LCK: variants seen among roughly 807,000 people sequenced by gnomAD.
LCK encodes LCK proto-oncogene, Src family tyrosine kinase.
LCK carries 14 observed loss-of-function variants against 64.6 expected under a neutral mutation model. The observed-to-expected ratio is 0.22, with a 90% CI of 0.14 to 0.34. The LOEUF is 0.34. Ranked by LOEUF, LCK falls within the 10% of genes least tolerant of loss-of-function variation. The pLI is 1.00. For synonymous variants in LCK, 277 were observed against 263.6 expected (o/e 1.05, Z -0.49); for missense variants, 434 against 668.1 (o/e 0.65, Z 3.86).
chr1:32,280,489 T>C (rs1251260473), intron 12 of LCK, among the ~76,000 whole-genome samples: 1 of 138,738 alleles, frequency 7.2e-6, no homozygotes, highest in Non-Finnish European at 1.5e-5. Flanking sequence ...GGAGTCTTGC[T>C]CTGTCTCCCA....
intron 1 of LCK, among the ~76,000 whole-genome samples, chr1:32,256,585 C>T (rs1056237103): frequency 1.3e-5 from 2 of 151,532 alleles, no homozygotes; most frequent in Admixed American, 1.3e-4. Flanking sequence ...GCAACAAGAG[C>T]AAAACTCTGT....
chr1:32,265,498 T>C (rs1301703392), intron 1 of LCK, among the ~76,000 whole-genome samples: 1 of 152,218 alleles, frequency 6.6e-6, no homozygotes, highest in Non-Finnish European at 1.5e-5. Flanking sequence ...TGGGGGGCCA[T>C]AGAGGAAACA....
chr1:32,282,038 C>T (rs1195468930), intron 12 of LCK, among the ~76,000 whole-genome samples: 1 of 152,184 alleles, frequency 6.6e-6, no homozygotes, highest in East Asian at 1.9e-4. Flanking sequence ...CCACCGCACT[C>T]CAGCCTGGGT....
intron 12 of LCK, among the ~76,000 whole-genome samples, chr1:32,280,752 C>T (rs1029292347): frequency 1.3e-5 from 2 of 152,146 alleles, no homozygotes; most frequent in Non-Finnish European, 1.5e-5. Context: ...CACACCCGGC[C>T]CCAGCTCTTT....
In LCK at chr1:32,251,532, C is replaced by G. The variant is rs1342551497; in HGVS notation, c.-6+161C>G. ...GTCAGGTGGGAGGCAGGCAGTGTAG[C>G]TGGGTCGCCTCTTTCCTGCGAAGCT... On this transcript the variant is annotated intron_variant, in intron 1 of 12. Transcript: ENST00000336890. The surrounding 1 kb of genome is among the most constrained non-coding windows in gnomAD (Gnocchi z 4.0). 6.6e-6 allele frequency among the ~76,000 whole-genome samples: 1 copy of G among 152,180 alleles called. No homozygotes were observed. Among genetic ancestry groups the G allele is most frequent in the Non-Finnish European group, 1.5e-5 (1 of 68,018 alleles).
Position 32,276,175 on chromosome 1 carries a change from G to T in LCK, c.631+112G>T. The stretch of plus-strand genomic sequence containing the variant: ...CCCTACTCCATTCCCCGCAGTGGGT[G>T]AGGTGTGGAACCTGACCCTACGGCC... On this transcript the variant is annotated intron_variant, in intron 7 of 12. Transcript: ENST00000336890. The surrounding 1 kb of genome is among the most constrained non-coding windows in gnomAD (Gnocchi z 4.6). The T allele has an allele frequency of 6.8e-7, 1 of 1,461,600 alleles. No individual in the cohort carries two copies. The highest frequency in any genetic ancestry group is 9.4e-7 in the Non-Finnish European group (1 of 1,066,532). 90.5% of individuals were successfully genotyped at this position (1,461,600 alleles called of 1,614,324 possible).
intron 1 of LCK, among the ~76,000 whole-genome samples, chr1:32,255,366 TA>T (rs2124302006): frequency 6.6e-6 from 1 of 152,370 alleles, no homozygotes; most frequent in African/African-American, 2.4e-5. Flanking sequence ...AGAGCTTATT[TA>T]AAAGAATCCC....
At chr1:32,281,965 G>A (rs1640474578) in intron 12 of LCK, among the ~76,000 whole-genome samples, 1 of 152,156 alleles carries the variant, frequency 6.6e-6, no homozygotes, top group Non-Finnish European at 1.5e-5. Flanking sequence ...AGATACTCAG[G>A]AGGCTGAGGC....
chr1:32,283,312 A>T (rs895572096), intron 12 of LCK, among the ~76,000 whole-genome samples: 3 of 150,776 alleles, frequency 2.0e-5, no homozygotes, highest in East Asian at 3.9e-4. Flanking sequence ...AAAAAAAAAA[A>T]TTGTGAGAGT....
intron 1 of LCK, among the ~76,000 whole-genome samples, chr1:32,270,250 C>CTTTT (rs1195979098): frequency 1.1e-4 from 14 of 126,666 alleles, no homozygotes; most frequent in African/African-American, 3.7e-4. Flanking sequence ...GCCCAGCTAA[C>CTTTT]TTTTTTTTTT....
intron 1 of LCK, among the ~76,000 whole-genome samples, chr1:32,261,504 G>A (rs567261161): frequency 6.6e-6 from 1 of 150,568 alleles, no homozygotes; most frequent in Non-Finnish European, 1.5e-5. Flanking sequence ...AAATTAGCTG[G>A]GCCTGGTGGA....
Position 32,280,305 on chromosome 1 carries a change from T to C in LCK, c.1327+95T>C, listed in dbSNP as rs918563995. On this transcript the variant is annotated intron_variant, in intron 12 of 12. Coordinates refer to ENST00000336890, the MANE Select transcript of LCK (RefSeq NM_005356.5). Reference sequence around the variant, plus strand: ...TCCAGTCTCAGAATCTGAAACTTTGTAGCTGCATCTCCTCTATCTTCTCAG... The same window carrying C: ...TCCAGTCTCAGAATCTGAAACTTTGCAGCTGCATCTCCTCTATCTTCTCAG... 2.0e-6 allele frequency: 3 copies of C among 1,492,964 alleles called. No individual in the cohort carries two copies. The African/African-American group carries it at 4.1e-5, about 21-fold the overall frequency. 92.5% of individuals were successfully genotyped at this position (1,492,964 alleles called of 1,614,324 possible). A position where few individuals can be genotyped will look rare whatever the true frequency, so the allele number is the denominator to read the frequency against.
chr1:32,280,278 T>C lies in LCK; in HGVS notation c.1327+68T>C, dbSNP rs941386752. On this transcript the variant is annotated intron_variant, in intron 12 of 12. Transcript: ENST00000336890. ...AAGTCCATGTCTTCCCATTCAATTC[T>C]TTCCAGTCTCAGAATCTGAAACTTT... is the stretch of plus-strand genomic sequence containing the variant. 1.4e-5 allele frequency: 22 copies of C among 1,590,964 alleles called. No homozygotes were observed. In the African/African-American group the frequency reaches 2.0e-4, roughly 15 times the overall value.
At position 32,274,325 on chromosome 1, in the gene LCK, G is replaced by T; in HGVS notation, c.-5G>T. 6.2e-7 allele frequency: 1 copy of T among 1,614,080 alleles called. No individual in the cohort carries two copies. Among genetic ancestry groups the T allele is most frequent in the South Asian group, 1.1e-5 (1 of 91,088 alleles). On this transcript the variant is annotated splice_region_variant and 5_prime_UTR_variant, in exon 2 of 13. It introduces an in-frame stop codon into an upstream open reading frame of the 5' UTR. Coordinates refer to ENST00000336890, the MANE Select transcript of LCK (RefSeq NM_005356.5). Reference sequence around the variant, plus strand: ...TCAGCCCCCTCTTCCATTCCCTCAGGGACCATGGGCTGTGGCTGCAGCTCA... The same window carrying T: ...TCAGCCCCCTCTTCCATTCCCTCAGTGACCATGGGCTGTGGCTGCAGCTCA...
At chr1:32,277,122 AT>A (rs1466836165) in intron 9 of LCK, 1 of 156,246 alleles carries the variant, frequency 6.4e-6, no homozygotes, top group Non-Finnish European at 1.4e-5. Flanking sequence ...AGGCAGGAGA[AT>A]CCCTTTAATC....
rs1017273809 is a variant in LCK at position 32,261,488 on chromosome 1, A to G, written c.-6+10117A>G. On this transcript the variant is annotated intron_variant, in intron 1 of 12. Transcript: ENST00000336890. ...TAGTGAAACCCCGTCTCTACTAAAA[A>G]TACAAAAATTAGCTGGGCCTGGTGG... Among the ~76,000 whole-genome samples, 10 of 151,002 alleles carry G rather than the reference A, an allele frequency of 6.6e-5. 1 individual carries two copies. Among genetic ancestry groups the G allele is most frequent in the Non-Finnish European group, 7.4e-5 (5 of 67,770 alleles).
intron 1 of LCK, among the ~76,000 whole-genome samples, chr1:32,273,346 C>CTG (rs201778052): frequency 3.0e-5 from 4 of 131,612 alleles, no homozygotes; most frequent in South Asian, 2.6e-4. Context: ...GGGGGTGCCT[C>CTG]TGTGTGTGTG....
In LCK at chr1:32,285,944, G is replaced by A; in HGVS notation, c.*228G>A. 1.8e-6 allele frequency: 1 copy of A among 557,684 alleles called. No individual in the cohort carries two copies. The highest frequency in any genetic ancestry group is 3.2e-6 in the Non-Finnish European group (1 of 312,126). The allele number at this position is 557,684 out of a possible 1,614,324, so 34.5% of individuals were successfully genotyped here. A position where few individuals can be genotyped will look rare whatever the true frequency, so the allele number is the denominator to read the frequency against. On this transcript the variant is annotated 3_prime_UTR_variant, in exon 13 of 13. Transcript: ENST00000336890. ...CCTGTGCATGTATGTCTTGGACACT[G>A]TACAAGGTACCCCTTTCTGGCTCTC...
At chr1:32,259,743 G>A (rs1323263781) in intron 1 of LCK, among the ~76,000 whole-genome samples, 4 of 151,964 alleles carry the variant, frequency 2.6e-5, no homozygotes, top group African/African-American at 4.8e-5. Flanking sequence ...CCGGGAGGTC[G>A]AGGCTTCAGT....
Sources: allele counts gnomAD v4.1 joint callset (sites outside exome capture counted in the v4.1 genomes callset), GRCh38; gene constraint gnomAD v4.1.1; non-coding constraint Gnocchi (gnomAD v3.1); transcripts MANE v1.5; gene names NCBI Gene and HGNC (gene_info 2026-07-23, HGNC 2026-07-21).